Variants in CFAP299 observed in about 807,000 individuals in gnomAD.
The protein encoded by CFAP299 is cilia- and flagella-associated protein 299.
A neutral mutation model predicts 27.0 loss-of-function variants in CFAP299; 21 were observed. The ratio of observed to expected loss-of-function variants is 0.78; its 90% CI spans 0.55 to 1.12. The LOEUF (loss-of-function observed/expected upper bound fraction) is 1.12. Among genes scored for constraint, CFAP299 ranks in the 50% most tolerant of loss-of-function variants. The pLI, the probability that CFAP299 is intolerant of heterozygous loss-of-function variation, is 0.00. For synonymous variants in CFAP299, 104 were observed against 98.1 expected, an observed-to-expected ratio of 1.06 and a Z score of -0.36; for missense variants, 310 against 276.6, an observed-to-expected ratio of 1.12 and a Z score of -0.86.
At chr4:80,857,980 T>C (rs1435376867) in intron 3 of CFAP299, among the ~76,000 whole-genome samples, 1 of 152,164 alleles carries the variant, frequency 6.6e-6, no homozygotes, top group Non-Finnish European at 1.5e-5. Flanking sequence ...TCAGAAGGAA[T>C]GGTACCTGTT....
intron 2 of CFAP299, among the ~76,000 whole-genome samples, chr4:80,381,867 A>G (rs1724716059): frequency 6.6e-6 from 1 of 152,134 alleles, no homozygotes; most frequent in South Asian, 2.1e-4. Context: ...GTTTCAAAAC[A>G]TTTCCTTCCT....
At chr4:80,520,814 T>C (rs1034604168) in intron 2 of CFAP299, among the ~76,000 whole-genome samples, 2 of 152,214 alleles carry the variant, frequency 1.3e-5, no homozygotes, top group African/African-American at 4.8e-5. Flanking sequence ...TTTAAAATTA[T>C]AAGTTGTTAT....
At chr4:80,805,513 A>T (rs1354758530) in intron 3 of CFAP299, among the ~76,000 whole-genome samples, 1 of 152,146 alleles carries the variant, frequency 6.6e-6, no homozygotes, top group African/African-American at 2.4e-5. Context: ...TACTCAGAAC[A>T]TAGTAGTACA....
At chr4:80,415,754 A>G (rs1013573424) in intron 2 of CFAP299, among the ~76,000 whole-genome samples, 4 of 152,202 alleles carry the variant, frequency 2.6e-5, no homozygotes, top group African/African-American at 9.6e-5. Context: ...AATTTTAGAC[A>G]TTTGTGAGGA....
intron 5 of CFAP299, among the ~76,000 whole-genome samples, chr4:80,953,637 C>A (rs1256969155): frequency 6.6e-6 from 1 of 152,094 alleles, no homozygotes; most frequent in Non-Finnish European, 1.5e-5. Flanking sequence ...ATTTAAGGAA[C>A]AACCCCCAGA....
chr4:80,681,803 T>C (rs1719860711), intron 3 of CFAP299, among the ~76,000 whole-genome samples: 1 of 152,176 alleles, frequency 6.6e-6, no homozygotes, highest in Admixed American at 6.5e-5. Context: ...ATGAATACTT[T>C]GTGGGGAAAC....
intron 4 of CFAP299, among the ~76,000 whole-genome samples, chr4:80,925,155 A>C (rs751245891): frequency 6.6e-6 from 1 of 151,994 alleles, no homozygotes; most frequent in Admixed American, 6.6e-5. Flanking sequence ...AATATGTGCC[A>C]GTAACCTACC....
intron 3 of CFAP299, among the ~76,000 whole-genome samples, chr4:80,800,154 T>G (rs1728338758): frequency 1.4e-5 from 1 of 71,908 alleles, no homozygotes; most frequent in East Asian, 4.6e-4. Context: ...TATATTTATA[T>G]AATATATAAT....
At chr4:80,770,919 A>G (rs1282952493) in intron 3 of CFAP299, among the ~76,000 whole-genome samples, 1 of 152,192 alleles carries the variant, frequency 6.6e-6, no homozygotes, top group African/African-American at 2.4e-5. Flanking sequence ...TCTGACCGCA[A>G]GCATTCCCAT....
chr4:80,533,443 C>T (rs968762393), intron 2 of CFAP299, among the ~76,000 whole-genome samples: 3 of 152,162 alleles, frequency 2.0e-5, no homozygotes, highest in South Asian at 4.1e-4. Context: ...TTTGACTCCT[C>T]TAGCTAGAAA....
intron 3 of CFAP299, among the ~76,000 whole-genome samples, chr4:80,677,495 T>C (rs1719541107): frequency 6.6e-6 from 1 of 152,016 alleles, no homozygotes; most frequent in Non-Finnish European, 1.5e-5. Context: ...AATAATGTCA[T>C]CTTTCCATAG....
intron 3 of CFAP299, among the ~76,000 whole-genome samples, chr4:80,794,080 A>G (rs749362166): frequency 2.0e-5 from 3 of 152,138 alleles, no homozygotes; most frequent in Non-Finnish European, 2.9e-5. Context: ...GGATCCATGC[A>G]TACTCTTCCT....
intron 3 of CFAP299, among the ~76,000 whole-genome samples, chr4:80,795,257 C>A (rs1455612382): frequency 1.3e-5 from 2 of 152,168 alleles, no homozygotes; most frequent in Non-Finnish European, 2.9e-5. Context: ...CTTCCAAGTC[C>A]CTGACCATAC....
At chr4:80,558,914 A>G (rs932143886) in intron 2 of CFAP299, among the ~76,000 whole-genome samples, 1 of 152,188 alleles carries the variant, frequency 6.6e-6, no homozygotes, top group Non-Finnish European at 1.5e-5. Context: ...GGTATAATAC[A>G]TCATATAAAT....
At chr4:80,899,438 C>T (rs1452742927) in intron 4 of CFAP299, among the ~76,000 whole-genome samples, 1 of 151,880 alleles carries the variant, frequency 6.6e-6, no homozygotes, top group Non-Finnish European at 1.5e-5. Flanking sequence ...GGAAAAGAAC[C>T]CAGAAAATGA....
chr4:80,523,794 G>A (rs1033056449), intron 2 of CFAP299, among the ~76,000 whole-genome samples: 10 of 152,192 alleles, frequency 6.6e-5, no homozygotes, highest in Non-Finnish European at 1.0e-4. Flanking sequence ...CAGCCTCCAC[G>A]ATTGTGTGAA....
At position 80,799,783 on chromosome 4, in the gene CFAP299, ATTATATAT is replaced by A. The variant is rs1361818645; in HGVS notation, c.334-70208_334-70201del. 1.0e-3 allele frequency among the ~76,000 whole-genome samples: 38 copies of A among 36,638 alleles called. 1 individual carries two copies. The highest frequency in any genetic ancestry group is 4.6e-3 in the African/African-American group (34 of 7,352). The allele number at this position is 36,638 out of a possible 152,430, so 24.0% of individuals were successfully genotyped here. ...TATAAATATATTATATGATATATAT[ATTATATAT>A]TATATTATATAATATATAAATATAT... On this transcript the variant is annotated intron_variant, in intron 3 of 5. Transcript: ENST00000358105.
chr4:80,948,683 A>T (rs1297469150), intron 5 of CFAP299, among the ~76,000 whole-genome samples: 5 of 151,890 alleles, frequency 3.3e-5, no homozygotes, highest in South Asian at 4.2e-4. Flanking sequence ...GTTACAACAA[A>T]ATATATATAT....
intron 1 of CFAP299, among the ~76,000 whole-genome samples, chr4:80,351,047 G>T (rs1413127897): frequency 6.6e-6 from 1 of 152,166 alleles, no homozygotes; most frequent in African/African-American, 2.4e-5. Flanking sequence ...CTAGAACACT[G>T]TATCAGAAGA....
Sources: gnomAD v4.1 joint callset for allele counts (sites outside exome capture counted in the v4.1 genomes callset) on GRCh38, gnomAD v4.1.1 for gene constraint, MANE v1.5 for transcripts, NCBI Gene and HGNC (gene_info 2026-07-23, HGNC 2026-07-21) for gene names.